The following NDUFAF6 variants were observed in gnomAD, a reference collection of about 807,000 sequenced individuals.
NDUFAF6 encodes the protein NADH:ubiquinone oxidoreductase complex assembly factor 6, also known as NADH dehydrogenase (ubiquinone) complex I, assembly factor 6.
NDUFAF6 carries 45 observed loss-of-function variants against 40.8 expected under a neutral mutation model. That is an observed-to-expected ratio of 1.10 (90% CI 0.87 to 1.42). The LOEUF (loss-of-function observed/expected upper bound fraction) is 1.42, where lower values mean the gene tolerates loss of function less well. Ranked by LOEUF, NDUFAF6 falls within the 40% of genes most tolerant of loss-of-function variation. The pLI, the probability that NDUFAF6 is intolerant of heterozygous loss-of-function variation, is 0.00. For missense variants in NDUFAF6, 435 were observed against 418.5 expected (o/e 1.04, Z -0.34); for synonymous variants, 185 against 155.9 (o/e 1.19, Z -1.39).
At chr8:94,919,346 ATTACT>A (rs1205679889) in intron 1 of NDUFAF6, among the ~76,000 whole-genome samples, 2 of 151,816 alleles carry the variant, frequency 1.3e-5, no homozygotes, top group Admixed American at 6.6e-5. Context: ...TGCGCCTGTG[ATTACT>A]TTACTTTTTT....
At chr8:95,035,893 ATGTTC>A (rs1219594018) in intron 3 of NDUFAF6, among the ~76,000 whole-genome samples, 6 of 152,326 alleles carry the variant, frequency 3.9e-5, no homozygotes, top group South Asian at 2.1e-4. Context: ...AGCAAGTAAA[ATGTTC>A]TGTTCTCTCT....
At chr8:95,110,099 A>G (rs140507992) in intron 4 of NDUFAF6, among the ~76,000 whole-genome samples, 11 of 152,338 alleles carry the variant, frequency 7.2e-5, no homozygotes, top group Non-Finnish European at 1.0e-4. Context: ...TCTTAGTCCT[A>G]TAATAGCCAA....
chr8:94,899,353 A>G (rs1464442668), intron 1 of NDUFAF6, among the ~76,000 whole-genome samples: 1 of 152,264 alleles, frequency 6.6e-6, no homozygotes, highest in Non-Finnish European at 1.5e-5. Context: ...TGAGAACTGC[A>G]TACATAGTTG....
chr8:94,940,185 C>T (rs760067150), intron 1 of NDUFAF6: 2 of 1,612,430 alleles, frequency 1.2e-6, no homozygotes, highest in Non-Finnish European at 1.7e-6. Context: ...TCCTCCTCTT[C>T]TTCTTCTTCT....
At chr8:94,932,976 G>C (rs1040101861) in intron 1 of NDUFAF6, among the ~76,000 whole-genome samples, 2 of 152,154 alleles carry the variant, frequency 1.3e-5, no homozygotes, top group African/African-American at 4.8e-5. Context: ...CAGAACTTTG[G>C]GAGGTCAAGG....
At chr8:94,960,511 G>A (rs1377377632) in intron 1 of NDUFAF6, among the ~76,000 whole-genome samples, 1 of 152,196 alleles carries the variant, frequency 6.6e-6, no homozygotes, top group African/African-American at 2.4e-5. Context: ...ACAAGGAATT[G>A]AGTGAGCAGT....
At chr8:95,004,721 GACAA>G (rs1161647874) in intron 2 of NDUFAF6, among the ~76,000 whole-genome samples, 3 of 152,094 alleles carry the variant, frequency 2.0e-5, no homozygotes, top group Admixed American at 6.5e-5. Flanking sequence ...TAATAACAGA[GACAA>G]ACAAAGGTAG....
intron 7 of NDUFAF6, among the ~76,000 whole-genome samples, chr8:95,050,654 C>T (rs1831324318): frequency 6.6e-6 from 1 of 152,078 alleles, no homozygotes; most frequent in Non-Finnish European, 1.5e-5. Context: ...TCAAATAAAG[C>T]AGTGATATGA....
At chr8:95,024,902 G>C (rs181939299), upstream of NDUFAF6, 66 of 991,862 alleles carry the variant, frequency 6.7e-5, 1 homozygote, top group African/African-American at 1.0e-3. Flanking sequence ...GCGTCCAGAG[G>C]CTGCCTTCCC....
intron 1 of NDUFAF6, chr8:94,930,825 G>A: frequency 3.8e-6 from 5 of 1,328,784 alleles, no homozygotes; most frequent in Non-Finnish European, 5.1e-6. Context: ...ACGCTAATTT[G>A]TTTATGGCTG....
In NDUFAF6 at chr8:95,025,203, G is replaced by C; in HGVS notation, c.195G>C (p.Leu65=). Residue 65 remains leucine (L), a splice_region_variant and synonymous_variant, in exon 1 of 9, where the codon CTG becomes CTC. Transcript: ENST00000396124. ...WGTDHYCLEL[L]RKRDYEGYLC... ...CTGACCACTACTGCCTGGAGCTGCT[G>C]CGGTGAGCGAGCACGACCTTCCCTG... The C allele has an allele frequency of 3.5e-6, 5 of 1,431,636 alleles. No homozygotes were observed. The highest frequency in any genetic ancestry group is 1.5e-5 in the African/African-American group (1 of 66,802). The allele number at this position is 1,431,636 out of a possible 1,614,324, so 88.7% of individuals were successfully genotyped here.
At chr8:95,009,687 A>G (rs141760229) in intron 2 of NDUFAF6, among the ~76,000 whole-genome samples, 1 of 152,312 alleles carries the variant, frequency 6.6e-6, no homozygotes, top group African/African-American at 2.4e-5. Context: ...CAGTCTGGAT[A>G]GAAAGTTGAG....
chr8:95,048,324 T>C (rs1831040392), intron 6 of NDUFAF6, 133 bp from the exon 7 acceptor site: 1 of 709,678 alleles, frequency 1.4e-6, no homozygotes, highest in South Asian at 1.5e-5. Context: ...GGCATTAAAC[T>C]GTACATACTG....
In NDUFAF6 at chr8:94,940,229, TAGTCCACATTGC is replaced by T; in HGVS notation, c.-935-5244_-935-5233del. On this transcript the variant is annotated intron_variant, in intron 1 of 14. Transcript: ENST00000396113. ...GAAACCAGTGCAAGTATCTAGATCGTAGTCCACATTGCAGTCCACATGTGTTGTTGAAGAGTC... is the reference window on the plus strand; with the variant it reads ...GAAACCAGTGCAAGTATCTAGATCGTAGTCCACATGTGTTGTTGAAGAGTC... 4 of 1,597,320 alleles carry T rather than the reference TAGTCCACATTGC, an allele frequency of 2.5e-6. No homozygotes were observed. In the Admixed American group the frequency reaches 5.1e-5, roughly 20 times the overall value.
chr8:94,940,794 T>C (rs1403473405), intron 1 of NDUFAF6: 1 of 1,504,442 alleles, frequency 6.6e-7, no homozygotes, highest in Non-Finnish European at 9.2e-7. Context: ...ATTTTTACTG[T>C]GAAGATGAAC....
chr8:95,058,400 T>A lies in NDUFAF6; in HGVS notation c.*463T>A. On this transcript the variant is annotated 3_prime_UTR_variant, in exon 9 of 9. Coordinates refer to ENST00000396124, the MANE Select transcript of NDUFAF6 (RefSeq NM_152416.4). ...TATTTAGGGGTCACAAATAGTGAAA[T>A]TAATATTTGAGGAATATCAGTCACG... 1.6e-6 allele frequency: 2 copies of A among 1,232,908 alleles called. No homozygotes were observed. The highest frequency in any genetic ancestry group is 2.0e-6 in the Non-Finnish European group (2 of 988,718). 76.4% of individuals were successfully genotyped at this position (1,232,908 alleles called of 1,614,324 possible).
At chr8:95,105,066 CAGAGAG>C (rs55705930), downstream of NDUFAF6, among the ~76,000 whole-genome samples, 2,617 of 72,510 alleles carry the variant, frequency 0.036, 34 homozygotes, top group Non-Finnish European at 0.038. Flanking sequence ...CACACACACA[CAGAGAG>C]AGAGAGAGAG....
At chr8:94,911,705 A>G (rs757451644) in intron 1 of NDUFAF6, among the ~76,000 whole-genome samples, 9 of 152,210 alleles carry the variant, frequency 5.9e-5, no homozygotes, top group Non-Finnish European at 1.2e-4. Context: ...AAGGAAGGAG[A>G]TGGGCCTCTG....
intron 2 of NDUFAF6, among the ~76,000 whole-genome samples, chr8:94,998,418 G>A (rs960507442): frequency 9.8e-4 from 135 of 137,524 alleles, no homozygotes; most frequent in African/African-American, 2.9e-3. Context: ...ACACACACAC[G>A]CAATGACAGC....
Sources: allele counts gnomAD v4.1 joint callset (sites outside exome capture counted in the v4.1 genomes callset), GRCh38; gene constraint gnomAD v4.1.1; transcripts MANE v1.5; gene names NCBI Gene and HGNC (gene_info 2026-07-23, HGNC 2026-07-21).